The following ASTN2 variants were observed in gnomAD, a reference collection of about 807,000 sequenced individuals.
ASTN2 encodes the protein astrotactin 2, also known as astrotactin-2.
Under a neutral mutation model 139.8 loss-of-function variants are expected in ASTN2, and 54 were observed. The ratio of observed to expected loss-of-function variants is 0.39; its 90% CI spans 0.31 to 0.48. ASTN2 has a LOEUF of 0.48. Among genes scored for constraint, ASTN2 ranks in the 20% least tolerant of loss-of-function variants. The pLI is 0.95. For synonymous variants in ASTN2, 756 were observed against 719.5 expected, an observed-to-expected ratio of 1.05 and a Z score of -0.81; for missense variants, 1,565 against 1,725.1, an observed-to-expected ratio of 0.91 and a Z score of 1.64.
intron 2 of ASTN2, chr9:117,277,165 T>A (rs1043180268): frequency 6.6e-6 from 1 of 152,218 alleles, no homozygotes; most frequent in Non-Finnish European, 1.5e-5. Flanking sequence ...GACTGTTTTT[T>A]GGTCAAGGGC....
At chr9:117,000,672 G>A (rs1251448951) in intron 7 of ASTN2, among the ~76,000 whole-genome samples, 1 of 151,684 alleles carries the variant, frequency 6.6e-6, no homozygotes, top group Non-Finnish European at 1.5e-5. Flanking sequence ...TCCTGGGAAG[G>A]AGCATAATGT....
intron 19 of ASTN2, among the ~76,000 whole-genome samples, chr9:116,550,729 T>G (rs1222696008): frequency 6.6e-6 from 1 of 152,176 alleles, no homozygotes; most frequent in South Asian, 2.1e-4. Flanking sequence ...CCCTGAGAGA[T>G]AGGCAGGAAT....
intron 1 of ASTN2, among the ~76,000 whole-genome samples, chr9:117,300,948 T>C (rs1012295217): frequency 2.6e-5 from 4 of 152,166 alleles, no homozygotes; most frequent in Non-Finnish European, 1.5e-5. Flanking sequence ...ACCACCTCCT[T>C]TGGGAACTGC....
chr9:116,618,229 A>C, intron 19 of ASTN2, 95 bp downstream of exon 19: 2 of 1,349,378 alleles, frequency 1.5e-6, no homozygotes, highest in African/African-American at 1.5e-5. Context: ...ATGCCTTCCC[A>C]AGACAGATGA....
intron 1 of ASTN2, among the ~76,000 whole-genome samples, chr9:117,370,516 A>G (rs192629240): frequency 1.9e-4 from 29 of 152,334 alleles, no homozygotes; most frequent in African/African-American, 3.8e-4. Context: ...GTTACAGTTT[A>G]GAAAGCACTT....
chr9:116,873,980 C>T (rs2132356979), intron 10 of ASTN2, among the ~76,000 whole-genome samples: 1 of 152,274 alleles, frequency 6.6e-6, no homozygotes, highest in South Asian at 2.1e-4. Context: ...TTATAAATTA[C>T]CCAGTCTCAG....
intron 13 of ASTN2, among the ~76,000 whole-genome samples, chr9:116,744,712 T>C (rs994533915): frequency 5.3e-5 from 8 of 152,090 alleles, no homozygotes; most frequent in Admixed American, 3.3e-4. Flanking sequence ...GAGACCTGCC[T>C]CCCCAGTATT....
chr9:117,301,938 C>T (rs1244873142), intron 1 of ASTN2, among the ~76,000 whole-genome samples: 4 of 152,094 alleles, frequency 2.6e-5, no homozygotes, highest in African/African-American at 4.8e-5. Context: ...CTTATGATAG[C>T]TGTGAGAATA....
intron 10 of ASTN2, among the ~76,000 whole-genome samples, chr9:116,970,913 A>G (rs1033160844): frequency 1.3e-5 from 2 of 152,328 alleles, no homozygotes; most frequent in Middle Eastern, 6.8e-3. Flanking sequence ...TCTTATAAGA[A>G]CCTGCTCCAG....
At chr9:116,493,545 G>C (rs527478042) in intron 19 of ASTN2, among the ~76,000 whole-genome samples, 1 of 152,140 alleles carries the variant, frequency 6.6e-6, no homozygotes, top group South Asian at 2.1e-4. Context: ...TGCAGCTTCA[G>C]AATCAACCCA....
intron 16 of ASTN2, among the ~76,000 whole-genome samples, chr9:116,667,735 GT>G (rs1479797454): frequency 6.6e-6 from 1 of 152,140 alleles, no homozygotes; most frequent in Non-Finnish European, 1.5e-5. Context: ...CACTTGTATT[GT>G]TTTTTAAAGA....
intron 5 of ASTN2, among the ~76,000 whole-genome samples, chr9:117,052,944 G>A (rs542766701): frequency 6.6e-6 from 1 of 152,356 alleles, no homozygotes; most frequent in Non-Finnish European, 1.5e-5. Flanking sequence ...ATCATGCCAG[G>A]AGAGGACACC....
intron 19 of ASTN2, among the ~76,000 whole-genome samples, chr9:116,495,838 C>T (rs1031706335): frequency 3.3e-5 from 5 of 152,168 alleles, no homozygotes; most frequent in Admixed American, 6.5e-5. Context: ...CAAGAATTCA[C>T]GGGGTATCTC....
At chr9:116,866,229 T>C (rs543228916) in intron 10 of ASTN2, among the ~76,000 whole-genome samples, 3 of 152,318 alleles carry the variant, frequency 2.0e-5, no homozygotes, top group East Asian at 1.9e-4. Flanking sequence ...CATTTTCAAA[T>C]GAAACACAGA....
At chr9:116,565,247 CACACACACACAT>C (rs1181743801) in intron 19 of ASTN2, among the ~76,000 whole-genome samples, 5,788 of 148,652 alleles carry the variant, frequency 0.039, 399 homozygotes, top group African/African-American at 0.14. Context: ...CACACACACA[CACACACACACAT>C]ATGCCCCATA....
intron 16 of ASTN2, 40 bp downstream of exon 16, chr9:116,725,731 C>A: frequency 6.3e-7 from 1 of 1,594,260 alleles, no homozygotes; most frequent in Non-Finnish European, 8.5e-7. Flanking sequence ...GCCTCTATAG[C>A]CTGCCTGGCC....
intron 11 of ASTN2, among the ~76,000 whole-genome samples, chr9:116,839,012 C>G (rs908693222): frequency 2.6e-5 from 4 of 152,200 alleles, no homozygotes; most frequent in Non-Finnish European, 4.4e-5. Context: ...TGTTCTCCTC[C>G]AAGGACTAGG....
At chr9:117,310,783 C>A (rs1827949327) in intron 1 of ASTN2, among the ~76,000 whole-genome samples, 1 of 152,092 alleles carries the variant, frequency 6.6e-6, no homozygotes. Context: ...CGCCACCACA[C>A]CCAGATAATG....
At chr9:117,267,559 C>T (rs1833964491) in intron 2 of ASTN2, among the ~76,000 whole-genome samples, 1 of 152,184 alleles carries the variant, frequency 6.6e-6, no homozygotes, top group African/African-American at 2.4e-5. Context: ...TTTGGGAATT[C>T]TCTGTGCCAT....
Sources: allele counts gnomAD v4.1 joint callset (sites outside exome capture counted in the v4.1 genomes callset), GRCh38; gene constraint gnomAD v4.1.1; transcripts MANE v1.5; gene names NCBI Gene and HGNC (gene_info 2026-07-23, HGNC 2026-07-21).